The following ENPP2 variants were observed in gnomAD, a reference collection of about 807,000 sequenced individuals.
ENPP2 encodes ectonucleotide pyrophosphatase/phosphodiesterase 2.
A neutral mutation model predicts 120.2 loss-of-function variants in ENPP2; 51 were observed. That is an observed-to-expected ratio of 0.42 (90% CI 0.34 to 0.54). The LOEUF is 0.54. Among genes scored for constraint, ENPP2 ranks in the 20% least tolerant of loss-of-function variants. The pLI, the probability that ENPP2 is intolerant of heterozygous loss-of-function variation, is 0.04. For synonymous variants in ENPP2, 365 were observed against 366.4 expected, an observed-to-expected ratio of 1.00 and a Z score of 0.04; for missense variants, 920 against 1,066.5, an observed-to-expected ratio of 0.86 and a Z score of 1.91.
intron 1 of ENPP2, among the ~76,000 whole-genome samples, chr8:119,659,275 C>T (rs1270400630): frequency 1.4e-5 from 2 of 145,938 alleles, no homozygotes; most frequent in Non-Finnish European, 3.0e-5. Context: ...CGAGGTGGTG[C>T]CACTGCACTC....
At chr8:119,624,363 A>T (rs1027781204) in intron 3 of ENPP2, among the ~76,000 whole-genome samples, 6 of 152,212 alleles carry the variant, frequency 3.9e-5, no homozygotes, top group African/African-American at 9.6e-5. Flanking sequence ...AGATTATTTT[A>T]AAAATATTTT....
chr8:119,666,067 C>G (rs1164461653), intron 1 of ENPP2, among the ~76,000 whole-genome samples: 1 of 152,124 alleles, frequency 6.6e-6, no homozygotes, highest in Non-Finnish European at 1.5e-5. Context: ...TCGTGGTATG[C>G]TGTTAAAGAC....
At chr8:119,623,702 T>C (rs1362773074) in intron 3 of ENPP2, among the ~76,000 whole-genome samples, 1 of 152,114 alleles carries the variant, frequency 6.6e-6, no homozygotes, top group Non-Finnish European at 1.5e-5. Context: ...CTCAGCTCAC[T>C]GCAACCTCTA....
chr8:119,602,568 A>G (rs138181469), intron 9 of ENPP2, among the ~76,000 whole-genome samples: 101 of 152,292 alleles, frequency 6.6e-4, no homozygotes, highest in African/African-American at 2.3e-3. Context: ...CTGTTGAAAT[A>G]TAATTACCCT....
At chr8:119,558,686 G>C (rs899558253) in intron 24 of ENPP2, among the ~76,000 whole-genome samples, 13 of 151,942 alleles carry the variant, frequency 8.6e-5, no homozygotes, top group Non-Finnish European at 1.3e-4. Flanking sequence ...TGTGAATATG[G>C]AGCAGTGTCT....
At chr8:119,591,119 C>A (rs1461161141) in intron 12 of ENPP2, among the ~76,000 whole-genome samples, 1 of 151,372 alleles carries the variant, frequency 6.6e-6, no homozygotes, top group Non-Finnish European at 1.5e-5. Context: ...TCTAATATAT[C>A]TCCTGTCTTG....
intron 9 of ENPP2, among the ~76,000 whole-genome samples, chr8:119,606,893 A>G (rs1213358770): frequency 6.6e-6 from 1 of 152,032 alleles, no homozygotes; most frequent in East Asian, 1.9e-4. Flanking sequence ...TCTCAGTGGG[A>G]ACAAAATCCC....
intron 3 of ENPP2, among the ~76,000 whole-genome samples, chr8:119,623,021 G>A (rs1329741616): frequency 6.6e-6 from 1 of 151,946 alleles, no homozygotes; most frequent in Non-Finnish European, 1.5e-5. Flanking sequence ...GGTCAAGAAA[G>A]GTGTCACTGA....
At position 119,562,071 on chromosome 8, in the gene ENPP2, A is replaced by G. The variant is rs575490212; in HGVS notation, c.2421+786T>C. ...AGAATGGCGTGAGCCCGGGAGGCGG[A>G]GCTTGCAGTGAGCCAAGATCACACC... On this transcript the variant is annotated intron_variant, in intron 24 of 24. Coordinates refer to ENST00000075322, the MANE Select transcript of ENPP2 (RefSeq NM_001040092.3). Among the ~76,000 whole-genome samples the G allele has an allele frequency of 2.7e-3, 411 of 151,516 alleles. 3 individuals are homozygous for G. The highest frequency in any genetic ancestry group is 9.3e-3 in the African/African-American group (384 of 41,232).
intron 13 of ENPP2, among the ~76,000 whole-genome samples, chr8:119,589,171 C>G (rs1013202396): frequency 6.6e-6 from 1 of 152,162 alleles, no homozygotes; most frequent in African/African-American, 2.4e-5. Context: ...AAGCACTGAT[C>G]TAAATTATGT....
At chr8:119,628,483 A>G (rs1816434630) in intron 2 of ENPP2, among the ~76,000 whole-genome samples, 2 of 152,336 alleles carry the variant, frequency 1.3e-5, no homozygotes, top group South Asian at 4.1e-4. Context: ...ACAGGTAAAG[A>G]GATCCTGAAA....
At chr8:119,599,582 T>A (rs375463793) in intron 11 of ENPP2, among the ~76,000 whole-genome samples, 2 of 152,324 alleles carry the variant, frequency 1.3e-5, no homozygotes, top group African/African-American at 4.8e-5. Context: ...TCCATCATAT[T>A]TTTTACTATC....
chr8:119,566,901 TTTTCAC>T (rs1563671265), intron 22 of ENPP2, among the ~76,000 whole-genome samples: 2 of 152,226 alleles, frequency 1.3e-5, no homozygotes, highest in Non-Finnish European at 2.9e-5. Context: ...ATACTTTAAT[TTTTCAC>T]TCATAAGCAA....
At chr8:119,656,587 A>C (rs1457889149) in intron 1 of ENPP2, among the ~76,000 whole-genome samples, 1 of 152,234 alleles carries the variant, frequency 6.6e-6, no homozygotes, top group Non-Finnish European at 1.5e-5. Flanking sequence ...TGTTCTAGGC[A>C]CAAGAGTCCA....
In ENPP2 at chr8:119,587,081, CAA is replaced by C. The variant is rs746405482; in HGVS notation, c.1208-8_1208-7del. On this transcript the variant is annotated splice_polypyrimidine_tract_variant and splice_region_variant and intron_variant, in intron 13 of 24. Coordinates refer to ENST00000075322, the MANE Select transcript of ENPP2 (RefSeq NM_001040092.3). ...AATAATGGCTTTGGGGTCATCTGTT[CAA>C]AGAGAGGAGAAAGATTTCAAAAGAA... 5 of 1,605,446 alleles carry C rather than the reference CAA, an allele frequency of 3.1e-6. No individual in the cohort carries two copies. Among genetic ancestry groups the C allele is most frequent in the South Asian group, 2.2e-5 (2 of 88,906 alleles).
At chr8:119,603,225 T>TA (rs1323599030) in intron 9 of ENPP2, among the ~76,000 whole-genome samples, 4 of 111,110 alleles carry the variant, frequency 3.6e-5, no homozygotes, top group Non-Finnish European at 7.4e-5. Context: ...TCTTTCCTGT[T>TA]TAAAAAAAAA....
At position 119,562,293 on chromosome 8, in the gene ENPP2, A is replaced by T. The variant is rs561533508; in HGVS notation, c.2421+564T>A. Among the ~76,000 whole-genome samples the T allele has an allele frequency of 4.6e-5, 7 of 151,416 alleles. No homozygotes were observed. In the East Asian group the frequency reaches 1.4e-3, roughly 29 times the overall value. ...CCCCATCTCTACTAAAAATACAAAA[A>T]TTAGCTGGGCATGGTGGTGCCCGCC... On this transcript the variant is annotated intron_variant, in intron 24 of 24. Coordinates refer to ENST00000075322, the MANE Select transcript of ENPP2 (RefSeq NM_001040092.3).
chr8:119,610,774 G>C (rs1587473915), intron 8 of ENPP2, among the ~76,000 whole-genome samples: 1 of 151,890 alleles, frequency 6.6e-6, no homozygotes, highest in South Asian at 2.1e-4. Context: ...GTCGTGATAG[G>C]CACCTGTAAT....
intron 1 of ENPP2, among the ~76,000 whole-genome samples, chr8:119,663,507 T>C (rs991348090): frequency 2.1e-4 from 32 of 152,200 alleles, no homozygotes; most frequent in Admixed American, 1.9e-3. Context: ...GTCTCTTTTG[T>C]TTTGTTGTTT....
Sources: allele counts gnomAD v4.1 joint callset (sites outside exome capture counted in the v4.1 genomes callset), GRCh38; gene constraint gnomAD v4.1.1; transcripts MANE v1.5; gene names NCBI Gene and HGNC (gene_info 2026-07-23, HGNC 2026-07-21).